Variants in ECE2 observed in about 807,000 individuals in gnomAD.
ECE2 encodes endothelin converting enzyme 2.
In ECE2, 81 loss-of-function variants were observed where a neutral mutation model predicts 100.6. The observed-to-expected ratio is 0.81, with a 90% confidence interval of 0.67 to 0.97. The LOEUF (loss-of-function observed/expected upper bound fraction) is 0.97, where lower values mean the gene tolerates loss of function less well. Ranked by LOEUF, ECE2 falls within the 50% of genes least tolerant of loss-of-function variation. The pLI is 0.00. For synonymous variants in ECE2, 391 were observed against 391.5 expected, an observed-to-expected ratio of 1.00 and a Z score of 0.02; for missense variants, 911 against 988.1, an observed-to-expected ratio of 0.92 and a Z score of 1.05.
chr3:184,290,997 C>T (rs764508667), intron 16 of ECE2, 43 bp from the exon 17 acceptor site: 30 of 1,555,642 alleles, frequency 1.9e-5, no homozygotes, highest in Non-Finnish European at 2.3e-5. Flanking sequence ...CCCCAAGAGA[C>T]GAGCTCTGGT....
chr3:184,289,804 G>A lies in ECE2; in HGVS notation c.1551+86G>A. ...CTTAGAAATTGGGGCTCAAGCACTG[G>A]GAAAGAGGTGCTTGTCGGTTTCTTT... On this transcript the variant is annotated intron_variant, in intron 13 of 18. Coordinates refer to ENST00000404464, the MANE Select transcript of ECE2 (RefSeq NM_001100121.2). The surrounding 1 kb of genome is among the most constrained non-coding windows in gnomAD (Gnocchi z 4.1). The A allele has an allele frequency of 8.3e-7, 1 of 1,209,842 alleles. No individual in the cohort carries two copies. Among genetic ancestry groups the A allele is most frequent in the East Asian group, 2.4e-5 (1 of 42,352 alleles). 74.9% of individuals were successfully genotyped at this position (1,209,842 alleles called of 1,614,324 possible).
chr3:184,277,275 C>CAG lies in ECE2; in HGVS notation c.290_291dup (p.Ala98ArgfsTer18). On this transcript the variant is annotated frameshift_variant, in exon 4 of 19. Transcript: ENST00000404464. LOFTEE classifies it high-confidence loss of function. ...GACCCATCCCACAGCACCTGCCTTA[C>CAG]AGAGGCCTGCATTCGAGTGGCTGGA... The CAG allele has an allele frequency of 3.7e-6, 6 of 1,614,226 alleles. No homozygotes were observed. Among genetic ancestry groups the CAG allele is most frequent in the Non-Finnish European group, 5.1e-6 (6 of 1,180,016 alleles).
chr3:184,277,342 G>A lies in ECE2; in HGVS notation c.354G>A (p.Glu118=). ...ESLDRGVSPC[E]DFYQFSCGGW... is the part of the protein sequence containing the mutation. ...TGGACCGAGGGGTGAGCCCCTGTGAGGACTTTTACCAGTTCTCCTGTGGGG... is the reference window on the plus strand; with the variant it reads ...TGGACCGAGGGGTGAGCCCCTGTGAAGACTTTTACCAGTTCTCCTGTGGGG... Residue 118 remains glutamate (E), a synonymous_variant, in exon 4 of 19, where the codon GAG becomes GAA. Coordinates refer to ENST00000404464, the MANE Select transcript of ECE2 (RefSeq NM_001100121.2). 2 of 1,614,258 alleles carry A rather than the reference G, an allele frequency of 1.2e-6. No individual in the cohort carries two copies. The highest frequency in any genetic ancestry group is 1.7e-6 in the Non-Finnish European group (2 of 1,180,044).
rs372165772 is a variant in ECE2, at chr3:184,286,231, G to A, written c.1263+639G>A. Reference sequence around the variant, plus strand: ...TGCAAATTCCTAGAGGCCAAAAGGAGCATGGTGGCTTTACACACGTTCTGG... The same window carrying A: ...TGCAAATTCCTAGAGGCCAAAAGGAACATGGTGGCTTTACACACGTTCTGG... On this transcript the variant is annotated intron_variant, in intron 10 of 18. Coordinates refer to ENST00000404464, the MANE Select transcript of ECE2 (RefSeq NM_001100121.2). 2.1e-4 allele frequency among the ~76,000 whole-genome samples: 32 copies of A among 152,244 alleles called. No homozygotes were observed. The East Asian group carries it at 2.1e-3, about 10-fold the overall frequency.
intron 7 of ECE2, among the ~76,000 whole-genome samples, chr3:184,281,972 G>A (rs1172114359): frequency 2.0e-5 from 3 of 152,182 alleles, no homozygotes; most frequent in Non-Finnish European, 2.9e-5. Context: ...GGTGGCCCGC[G>A]CCTGTAATCC....
intron 7 of ECE2, among the ~76,000 whole-genome samples, chr3:184,282,447 A>G (rs532567243): frequency 1.3e-5 from 2 of 152,154 alleles, no homozygotes; most frequent in South Asian, 4.1e-4. Context: ...TTCTGGGAGG[A>G]GGGTTAAGGG....
In ECE2 at chr3:184,283,927, G is replaced by T. The variant is rs536698371; in HGVS notation, c.959G>T (p.Arg320Leu). Residue 320 changes from arginine (R) to leucine (L), a missense_variant, in exon 8 of 19, where the codon CGC becomes CTC. Transcript: ENST00000404464. The stretch of plus-strand genomic sequence containing the variant: ...ATCACAGTGCCCCAGGACCAGCGGC[G>T]CGACGAGGAGAAGATCTACCACAAG... The part of the protein sequence containing the change: ...ANITVPQDQR[R>L]DEEKIYHKMS... 2 of 1,613,980 alleles carry T rather than the reference G, an allele frequency of 1.2e-6. No individual in the cohort carries two copies. Among genetic ancestry groups the T allele is most frequent in the African/African-American group, 2.7e-5 (2 of 74,972 alleles).
At chr3:184,279,156 A>G (rs1418386278) in intron 7 of ECE2, among the ~76,000 whole-genome samples, 1 of 151,826 alleles carries the variant, frequency 6.6e-6, no homozygotes, top group Non-Finnish European at 1.5e-5. Context: ...CTAAATATAC[A>G]AAAATTAGCC....
chr3:184,291,585 TGCCCAGAGCCTCCGGCCA>T lies in ECE2; in HGVS notation c.2121+150_2121+167del, dbSNP rs531507667. ...ATGAAAGGTGGGCTGGGAAGGCCCA[TGCCCAGAGCCTCCGGCCA>T]GCCAGGGCCCACAAAGGCAGCCTGA... On this transcript the variant is annotated intron_variant, in intron 18 of 18. Transcript: ENST00000404464. This position sits in a 1 kb window ranked among gnomAD's most constrained non-coding sequence, Gnocchi z 4.1. The T allele has an allele frequency of 1.4e-4, 110 of 795,518 alleles. No individual in the cohort carries two copies. In the African/African-American group the frequency reaches 1.7e-3, roughly 12 times the overall value. 49.3% of individuals were successfully genotyped at this position (795,518 alleles called of 1,614,324 possible). A position where few individuals can be genotyped will look rare whatever the true frequency, so the allele number is the denominator to read the frequency against.
chr3:184,278,619 A>G (rs1720680548), intron 7 of ECE2, 62 bp downstream of exon 7: 2 of 1,586,160 alleles, frequency 1.3e-6, no homozygotes, highest in Non-Finnish European at 1.7e-6. Context: ...ATCCCTGTTG[A>G]CTTTTCCCTT....
rs559197096 is a variant in ECE2 at position 184,290,294 on chromosome 3, A to C, written c.1591A>C (p.Asn531His). 3.6e-5 allele frequency: 58 copies of C among 1,614,052 alleles called. 3 individuals are homozygous for C. In the South Asian group the frequency reaches 6.1e-4, roughly 17 times the overall value. Reference sequence around the variant, plus strand: ...AGATTCTTTCTTCCAAAACATGTTGAATTTGTACAACTTCTCTGCCAAGGT... The same window carrying C: ...AGATTCTTTCTTCCAAAACATGTTGCATTTGTACAACTTCTCTGCCAAGGT... The part of the protein sequence containing the change: ...SEDSFFQNML[N>H]LYNFSAKVMA... Residue 531 changes from asparagine to histidine, a missense_variant, in exon 14 of 19, where the codon AAT becomes CAT. Coordinates refer to ENST00000404464, the MANE Select transcript of ECE2 (RefSeq NM_001100121.2).
At chr3:184,283,561 C>CAAA (rs35761542) in intron 7 of ECE2, among the ~76,000 whole-genome samples, 276 of 53,106 alleles carry the variant, frequency 5.2e-3, no homozygotes, top group Non-Finnish European at 6.8e-3. Context: ...GACTCCATCT[C>CAAA]AAAAAAAAAA....
At chr3:184,281,959 C>T (rs1720829550) in intron 7 of ECE2, among the ~76,000 whole-genome samples, 1 of 152,122 alleles carries the variant, frequency 6.6e-6, no homozygotes, top group Non-Finnish European at 1.5e-5. Flanking sequence ...ATTAGCCATG[C>T]GTGGTGGCCC....
chr3:184,280,544 G>T (rs1368743887), intron 7 of ECE2, among the ~76,000 whole-genome samples: 1 of 152,138 alleles, frequency 6.6e-6, no homozygotes, highest in Admixed American at 6.5e-5. Flanking sequence ...GAGGCCTGAG[G>T]GGCATCTCCT....
At chr3:184,290,971 G>A (rs1234448732) in intron 16 of ECE2, 69 bp from the exon 17 acceptor site, 9 of 1,575,768 alleles carry the variant, frequency 5.7e-6, no homozygotes, top group African/African-American at 5.4e-5. Flanking sequence ...ACCAGGGCTG[G>A]TGGGGGCACT....
Position 184,290,244 on chromosome 3 carries a change from C to T in ECE2, c.1552-11C>T. 1 of 1,608,394 alleles carries T rather than the reference C, an allele frequency of 6.2e-7. No homozygotes were observed. Among genetic ancestry groups the T allele is most frequent in the Non-Finnish European group, 8.5e-7 (1 of 1,175,612 alleles). On this transcript the variant is annotated splice_polypyrimidine_tract_variant and intron_variant, in intron 13 of 18. Coordinates refer to ENST00000404464, the MANE Select transcript of ECE2 (RefSeq NM_001100121.2). ...CTCTTGCTCTCTTTCTACTTCCCAC[C>T]TTTCCCACAGTACGAAATTTCTGAA...
rs756738087 is a variant in ECE2 at position 184,291,010 on chromosome 3, T to C, written c.1835-30T>C. ...GCCCCCAAGAGACGAGCTCTGGTTTTGGTGGGGTGCAAAGGTGAGTTCTCC... is the reference window on the plus strand; with the variant it reads ...GCCCCCAAGAGACGAGCTCTGGTTTCGGTGGGGTGCAAAGGTGAGTTCTCC... On this transcript the variant is annotated intron_variant, in intron 16 of 18. Coordinates refer to ENST00000404464, the MANE Select transcript of ECE2 (RefSeq NM_001100121.2). This position sits in a 1 kb window ranked among gnomAD's most constrained non-coding sequence, Gnocchi z 4.1. 3.9e-6 allele frequency: 6 copies of C among 1,553,670 alleles called. No individual in the cohort carries two copies. The East Asian group carries it at 1.1e-4, about 29-fold the overall frequency.
chr3:184,276,418 C>T, intron 1 of ECE2, 63 bp from the exon 2 acceptor site: 2 of 1,553,876 alleles, frequency 1.3e-6, no homozygotes, highest in South Asian at 1.2e-5. Flanking sequence ...AGCACTGGGG[C>T]AGGGTCGTGG....
In ECE2 at chr3:184,289,330, C is replaced by T. The variant is rs1205781106; in HGVS notation, c.1375-107C>T. 1.9e-5 allele frequency: 19 copies of T among 976,444 alleles called. No individual in the cohort carries two copies. The highest frequency in any genetic ancestry group is 3.1e-4 in the Middle Eastern group (1 of 3,180). The allele number at this position is 976,444 out of a possible 1,614,324, so 60.5% of individuals were successfully genotyped here. A position where few individuals can be genotyped will look rare whatever the true frequency, so the allele number is the denominator to read the frequency against. Reference sequence around the variant, plus strand: ...CTCAGCCGTATTTCTTTAGTCTAGACGTTCCCATTTCCCCTGGGTGGACAG... The same window carrying T: ...CTCAGCCGTATTTCTTTAGTCTAGATGTTCCCATTTCCCCTGGGTGGACAG... On this transcript the variant is annotated intron_variant, in intron 11 of 18. Transcript: ENST00000404464. The surrounding 1 kb of genome is among the most constrained non-coding windows in gnomAD (Gnocchi z 4.1).
Sources: allele counts gnomAD v4.1 joint callset (sites outside exome capture counted in the v4.1 genomes callset), GRCh38; gene constraint gnomAD v4.1.1; non-coding constraint Gnocchi (gnomAD v3.1); transcripts MANE v1.5; gene names NCBI Gene and HGNC (gene_info 2026-07-23, HGNC 2026-07-21).